The following CD44 variants were observed in gnomAD, a reference collection of about 807,000 sequenced individuals.
The protein encoded by CD44 is CD44 molecule (IN blood group).
In CD44, 49 loss-of-function variants were observed where a neutral mutation model predicts 88.8. The observed-to-expected ratio is 0.55, with a 90% CI of 0.44 to 0.70. CD44 has a LOEUF of 0.70. CD44 is among the 30% of genes least tolerant of loss of function. The probability of loss-of-function intolerance (pLI) is 0.00; values close to 1 mark genes in which losing one functional copy is unlikely to be tolerated. For synonymous variants in CD44, 325 were observed against 312.3 expected (o/e 1.04, Z -0.43); for missense variants, 883 against 913.8 (o/e 0.97, Z 0.43).
intron 9 of CD44, among the ~76,000 whole-genome samples, chr11:35,202,751 A>G (rs1029656549): frequency 1.3e-5 from 2 of 152,206 alleles, no homozygotes; most frequent in Admixed American, 1.3e-4. Flanking sequence ...GAATATATCC[A>G]GCAGATCTTA....
At chr11:35,212,026 T>G (rs1255328134) in intron 14 of CD44, among the ~76,000 whole-genome samples, 1 of 152,192 alleles carries the variant, frequency 6.6e-6, no homozygotes, top group East Asian at 1.9e-4. Flanking sequence ...CTAGTATTAA[T>G]GAATAGGGAC....
In CD44 at chr11:35,195,162, C is replaced by T. The variant is rs1946616187; in HGVS notation, c.668-1584C>T. The stretch of plus-strand genomic sequence containing the variant: ...AGCTTTGGGGAAAAACGATTCAAGG[C>T]CTGTAAATATGGGAGATTACAAGGA... On this transcript the variant is annotated intron_variant, in intron 5 of 17. Coordinates refer to ENST00000428726, the MANE Select transcript of CD44 (RefSeq NM_000610.4). Among the ~76,000 whole-genome samples the T allele has an allele frequency of 2.0e-5, 3 of 152,112 alleles. No homozygotes were observed. In the South Asian group the frequency reaches 6.2e-4, roughly 32 times the overall value.
At chr11:35,197,360 AC>A (rs1257385195) in intron 6 of CD44, 1 of 152,432 alleles carries the variant, frequency 6.6e-6, no homozygotes, top group Non-Finnish European at 1.5e-5. Flanking sequence ...AATGTAGAAA[AC>A]CCCTTTTTAG....
Position 35,189,910 on chromosome 11 carries a change from G to A in CD44, c.512G>A (p.Ser171Asn), listed in dbSNP as rs1232557735. The change falls in exon 5 of 18, where the codon AGC becomes AAC. Residue 171 changes from serine (S) to asparagine (N), a missense_variant. Around this residue, in one of 2 missense-constraint regions of CD44, gnomAD observed 252 missense variants for 322.9 expected, o/e 0.78. Transcript: ENST00000428726. ...ACGAATCCTGAAGACATCTACCCCA[G>A]CAACCCTACTGATGATGACGTGAGC... ...YRTNPEDIYP[S>N]NPTDDDVSSG... 6.2e-7 allele frequency: 1 copy of A among 1,614,152 alleles called. No homozygotes were observed. Among genetic ancestry groups the A allele is most frequent in the South Asian group, 1.1e-5 (1 of 91,074 alleles).
chr11:35,171,548 C>T (rs1448728450), intron 1 of CD44, among the ~76,000 whole-genome samples: 4 of 152,138 alleles, frequency 2.6e-5, no homozygotes, highest in African/African-American at 9.7e-5. Flanking sequence ...CTTGGCTGAT[C>T]ACATGCACAT....
intron 5 of CD44, among the ~76,000 whole-genome samples, chr11:35,195,645 CA>C (rs1298297637): frequency 6.6e-6 from 1 of 151,828 alleles, no homozygotes; most frequent in East Asian, 1.9e-4. Flanking sequence ...AACTTGTTCT[CA>C]GTTTTTTGTC....
chr11:35,229,053 G>A (rs1949918487), intron 17 of CD44, 76 bp from the exon 18 acceptor site: 1 of 1,160,776 alleles, frequency 8.6e-7, no homozygotes, highest in Non-Finnish European at 1.3e-6. Context: ...ATCAATGATG[G>A]TGCTCAGTAA....
intron 9 of CD44, among the ~76,000 whole-genome samples, chr11:35,204,240 A>G (rs1276319072): frequency 5.9e-5 from 9 of 152,230 alleles, no homozygotes; most frequent in African/African-American, 1.9e-4. Context: ...TCATAGAACT[A>G]TGAGAATTCA....
At chr11:35,225,010 C>T (rs1158666721) in intron 17 of CD44, among the ~76,000 whole-genome samples, 3 of 142,190 alleles carry the variant, frequency 2.1e-5, no homozygotes, top group African/African-American at 7.5e-5. Context: ...CCTCGTCCTG[C>T]TGTCTAGAAC....
intron 3 of CD44, among the ~76,000 whole-genome samples, chr11:35,184,324 A>T (rs1437328569): frequency 1.3e-5 from 2 of 152,202 alleles, no homozygotes; most frequent in Non-Finnish European, 2.9e-5. Flanking sequence ...GGTTTGTGAC[A>T]TCATGCTCCA....
chr11:35,170,875 G>A (rs1943796818), intron 1 of CD44, among the ~76,000 whole-genome samples: 1 of 152,194 alleles, frequency 6.6e-6, no homozygotes, highest in South Asian at 2.1e-4. Flanking sequence ...GCAATGTTCT[G>A]TGGTCCATGG....
chr11:35,164,089 G>T (rs1179528614), intron 1 of CD44, among the ~76,000 whole-genome samples: 3 of 152,066 alleles, frequency 2.0e-5, no homozygotes, highest in African/African-American at 7.2e-5. Context: ...AACCCAGCTG[G>T]GGGCTCAGCA....
chr11:35,222,186 G>A (rs180734367), intron 17 of CD44, among the ~76,000 whole-genome samples: 17 of 152,246 alleles, frequency 1.1e-4, no homozygotes, highest in African/African-American at 3.1e-4. Flanking sequence ...CACAAATATC[G>A]TATAAAGATT....
At chr11:35,180,160 C>T in intron 2 of CD44, 114 bp from the exon 3 acceptor site, 1 of 1,049,370 alleles carries the variant, frequency 9.5e-7, no homozygotes, top group East Asian at 2.4e-5. Flanking sequence ...CCTCCGATAT[C>T]CCTAGGGGTG....
At chr11:35,160,484 A>G (rs1423870037) in intron 1 of CD44, among the ~76,000 whole-genome samples, 5 of 152,174 alleles carry the variant, frequency 3.3e-5, no homozygotes, top group Non-Finnish European at 5.9e-5. Flanking sequence ...ACCAGAGTGA[A>G]ATGCCATTTC....
chr11:35,180,245 G>C (rs761195144), intron 2 of CD44, 29 bp from the exon 3 acceptor site: 2 of 1,612,804 alleles, frequency 1.2e-6, no homozygotes, highest in Middle Eastern at 1.6e-4. Flanking sequence ...AGCCATTTAG[G>C]TCAATATCCT....
Position 35,190,527 on chromosome 11 carries a change from T to G in CD44, c.667+462T>G, listed in dbSNP as rs561390542. 229 of 168,520 alleles carry G rather than the reference T, an allele frequency of 1.4e-3. 3 individuals carry two copies. The South Asian group carries it at 0.034, about 25-fold the overall frequency. 10.4% of individuals were successfully genotyped at this position (168,520 alleles called of 1,614,324 possible). On this transcript the variant is annotated intron_variant, in intron 5 of 17. Coordinates refer to ENST00000428726, the MANE Select transcript of CD44 (RefSeq NM_000610.4). ...ACCCACTTATGCCTGAGGTTGCAAT[T>G]TTTTGAATTTTTGCAATCAGACCTT...
chr11:35,158,360 G>A (rs1942172688), intron 1 of CD44, among the ~76,000 whole-genome samples: 1 of 152,190 alleles, frequency 6.6e-6, no homozygotes, highest in East Asian at 1.9e-4. Context: ...AAAGCCGTAT[G>A]AATTGCAGAG....
At chr11:35,167,432 T>C (rs1943418977) in intron 1 of CD44, among the ~76,000 whole-genome samples, 2 of 152,220 alleles carry the variant, frequency 1.3e-5, no homozygotes, top group Admixed American at 6.5e-5. Context: ...CAATTAACAA[T>C]AATGCTTTAA....
Sources: allele counts gnomAD v4.1 joint callset (sites outside exome capture counted in the v4.1 genomes callset), GRCh38; gene constraint gnomAD v4.1.1; regional missense constraint gnomAD v4.1.1; transcripts MANE v1.5; gene names NCBI Gene and HGNC (gene_info 2026-07-23, HGNC 2026-07-21).